The following BICD2 variants were observed in gnomAD, a reference collection of about 807,000 sequenced individuals.
BICD2 encodes the protein BICD cargo adaptor 2, also known as protein bicaudal D homolog 2.
Under a neutral mutation model 72.9 loss-of-function variants are expected in BICD2, and 25 were observed. The observed-to-expected ratio is 0.34, with a 90% CI of 0.25 to 0.48. The LOEUF is 0.48. BICD2 is among the 20% of genes least tolerant of loss of function. BICD2 has a pLI of 0.99. For synonymous variants in BICD2, 501 were observed against 516.1 expected, an observed-to-expected ratio of 0.97 and a Z score of 0.40; for missense variants, 894 against 1,175.2, an observed-to-expected ratio of 0.76 and a Z score of 3.50.
intron 1 of BICD2, among the ~76,000 whole-genome samples, chr9:92,732,174 C>G (rs10992438): frequency 0.27 from 41,567 of 152,006 alleles, 6,802 homozygotes; most frequent in East Asian, 0.76. Context: ...ACGAAAAGTA[C>G]AGTGGATGGG....
At chr9:92,741,906 A>G (rs1266228886) in intron 1 of BICD2, among the ~76,000 whole-genome samples, 1 of 152,266 alleles carries the variant, frequency 6.6e-6, no homozygotes, top group Non-Finnish European at 1.5e-5. Flanking sequence ...AGATACCCAT[A>G]AAATCCTCCC....
intron 1 of BICD2, among the ~76,000 whole-genome samples, chr9:92,751,806 A>ATT (rs200906851): frequency 0.047 from 6,605 of 141,056 alleles, 238 homozygotes; most frequent in Admixed American, 0.1. Flanking sequence ...CACTAACTGC[A>ATT]TTTTTTTTTT....
At chr9:92,762,532 C>T (rs1179297024) in intron 1 of BICD2, among the ~76,000 whole-genome samples, 3 of 152,008 alleles carry the variant, frequency 2.0e-5, no homozygotes, top group Admixed American at 2.0e-4. Context: ...CAGGTGGTGA[C>T]AAAAAACAAG....
At position 92,715,042 on chromosome 9, in the gene BICD2, T is replaced by A; in HGVS notation, c.*112A>T. On this transcript the variant is annotated 3_prime_UTR_variant, in exon 7 of 7. Coordinates refer to ENST00000356884, the MANE Select transcript of BICD2 (RefSeq NM_001003800.2). ...CCCCATGGCGCCTCGGCTAGACTCC[T>A]ACCCTCTGTGCATTAGTCACGTTAA... 6.9e-7 allele frequency: 1 copy of A among 1,458,852 alleles called. No individual in the cohort carries two copies. Among genetic ancestry groups the A allele is most frequent in the South Asian group, 1.5e-5 (1 of 68,714 alleles). The allele number at this position is 1,458,852 out of a possible 1,614,324, so 90.4% of individuals were successfully genotyped here.
chr9:92,734,366 G>A (rs1853734737), intron 1 of BICD2, among the ~76,000 whole-genome samples: 2 of 152,170 alleles, frequency 1.3e-5, no homozygotes, highest in East Asian at 3.9e-4. Context: ...ACAAAAATTA[G>A]CCAGGTGTGG....
In BICD2 at chr9:92,735,308, G is replaced by A. The variant is rs565718885; in HGVS notation, c.241-6072C>T. On this transcript the variant is annotated intron_variant, in intron 1 of 6. Transcript: ENST00000356884. ...CATTAGGGAGGCCAGGTCCTGCACA[G>A]TGGCATGGCCTCGGGACAGGCTGCA... Among the ~76,000 whole-genome samples, 5 of 152,310 alleles carry A rather than the reference G, an allele frequency of 3.3e-5. No homozygotes were observed. In the East Asian group the frequency reaches 9.7e-4, roughly 29 times the overall value.
chr9:92,726,611 C>A (rs1029748570), intron 2 of BICD2, among the ~76,000 whole-genome samples: 1 of 152,062 alleles, frequency 6.6e-6, no homozygotes, highest in African/African-American at 2.4e-5. Flanking sequence ...GATGCTCCAC[C>A]CGAACCAGGT....
Position 92,717,791 on chromosome 9 carries a change from G to A in BICD2, c.2258+6C>T, listed in dbSNP as rs566572599. 1.1e-5 allele frequency: 18 copies of A among 1,605,632 alleles called. No individual in the cohort carries two copies. The highest frequency in any genetic ancestry group is 2.2e-5 in the East Asian group (1 of 44,766). The stretch of plus-strand genomic sequence containing the variant: ...GAAGGGGAGGGCCCGACAGCAGCAC[G>A]GTTACCTGGTGGCAAACATAGCACG... On this transcript the variant is annotated splice_donor_region_variant and intron_variant, in intron 6 of 6. Coordinates refer to ENST00000356884, the MANE Select transcript of BICD2 (RefSeq NM_001003800.2).
chr9:92,763,715 G>C (rs1181608016), intron 1 of BICD2, among the ~76,000 whole-genome samples: 1 of 152,100 alleles, frequency 6.6e-6, no homozygotes, highest in African/African-American at 2.4e-5. Flanking sequence ...TCTCCCCCCA[G>C]TGGGAATGAC....
At chr9:92,746,899 T>A (rs555114726) in intron 1 of BICD2, among the ~76,000 whole-genome samples, 5 of 152,154 alleles carry the variant, frequency 3.3e-5, no homozygotes, top group African/African-American at 7.2e-5. Context: ...TACAGGCAAA[T>A]CATACCTCAA....
chr9:92,718,033 T>G, intron 5 of BICD2, 85 bp from the exon 6 acceptor site: 1 of 1,495,646 alleles, frequency 6.7e-7, no homozygotes, highest in Non-Finnish European at 9.0e-7. Flanking sequence ...GGAGCCCCGG[T>G]CTGAAGTGGT....
At chr9:92,730,259 G>C (rs978004114) in intron 1 of BICD2, among the ~76,000 whole-genome samples, 7 of 152,186 alleles carry the variant, frequency 4.6e-5, no homozygotes, top group Non-Finnish European at 8.8e-5. Flanking sequence ...GCTCATGGCA[G>C]AAAACAAGAT....
intron 1 of BICD2, among the ~76,000 whole-genome samples, chr9:92,732,423 G>A (rs182173250): frequency 1.3e-5 from 2 of 152,264 alleles, no homozygotes; most frequent in East Asian, 3.9e-4. Flanking sequence ...ATAAATCATA[G>A]CTGAAAATTT....
rs957011288 is a variant in BICD2 at position 92,764,807 on chromosome 9, CGCCGCT to C, written c.-69_-64del. 1.7e-4 allele frequency: 204 copies of C among 1,196,774 alleles called. 2 individuals are homozygous for C. The highest frequency in any genetic ancestry group is 7.2e-4 in the Admixed American group (15 of 20,930). 74.1% of individuals were successfully genotyped at this position (1,196,774 alleles called of 1,614,324 possible). A position where few individuals can be genotyped will look rare whatever the true frequency, so the allele number is the denominator to read the frequency against. The stretch of plus-strand genomic sequence containing the variant: ...CGCAGGCCGGGCCCTCCTCAGCCGC[CGCCGCT>C]GCCGCCGCCGCCGCCGCCCTGCCCC... On this transcript the variant is annotated 5_prime_UTR_variant, in exon 1 of 7. Transcript: ENST00000356884. This position sits in a 1 kb window ranked among gnomAD's most constrained non-coding sequence, Gnocchi z 5.5.
Position 92,718,949 on chromosome 9 carries a change from G to A in BICD2, c.1696C>T (p.Arg566Cys), listed in dbSNP as rs748022488. The A allele has an allele frequency of 5.8e-5, 93 of 1,609,296 alleles. 1 individual carries two copies. The highest frequency in any genetic ancestry group is 3.4e-4 in the South Asian group (31 of 91,032). ...CTGGTGCGGCCCCCGGGACTGGTGC[G>A]GCCGGCCCCGCCCTGGCCCTCGCGG... is the stretch of plus-strand genomic sequence containing the variant. ...YYREGQGGAG[R>C]TSPGGRTSPE... The change falls in exon 5 of 7, where the codon CGC (arginine) becomes TGC (cysteine). Residue 566 changes from arginine to cysteine, a missense_variant. Transcript: ENST00000356884.
intron 1 of BICD2, among the ~76,000 whole-genome samples, chr9:92,747,722 G>C (rs1022581438): frequency 2.6e-5 from 4 of 152,220 alleles, no homozygotes; most frequent in South Asian, 2.1e-4. Context: ...CTCTCACACG[G>C]GAAGGGTTCA....
chr9:92,720,698 G>A lies in BICD2; in HGVS notation c.664C>T (p.Leu222Phe), dbSNP rs912659311. The A allele has an allele frequency of 1.2e-6, 2 of 1,614,166 alleles. No individual in the cohort carries two copies. The highest frequency in any genetic ancestry group is 3.3e-5 in the Admixed American group (2 of 60,006). Residue 222 changes from leucine (L) to phenylalanine (F), a missense_variant, in exon 4 of 7, where the codon CTC becomes TTC. Transcript: ENST00000356884. The surrounding 1 kb of genome is among the most constrained non-coding windows in gnomAD (Gnocchi z 5.4). The stretch of plus-strand genomic sequence containing the variant: ...ATGGCATCCTCCAGCTGGCTGTTGA[G>A]GTACTCGGTCTCCTCCTCCAGACGC... ...IKRLEEETEY[L>F]NSQLEDAIRL...
intron 1 of BICD2, among the ~76,000 whole-genome samples, chr9:92,747,720 C>A (rs555189433): frequency 2.0e-5 from 3 of 152,224 alleles, no homozygotes; most frequent in Non-Finnish European, 4.4e-5. Context: ...GCCTCTCACA[C>A]GGGAAGGGTT....
chr9:92,712,715 C>G lies in BICD2; in HGVS notation c.*2439G>C, dbSNP rs185358007. ...GTGCCTATTACTGTTTTAACCAGAG[C>G]AAAGGTCAAGTTTTCTTCTTGTTAC... On this transcript the variant is annotated 3_prime_UTR_variant, in exon 7 of 7. Transcript: ENST00000356884. The G allele has an allele frequency of 3.7e-4, 56 of 152,124 alleles. No homozygotes were observed. The highest frequency in any genetic ancestry group is 1.4e-3 in the African/African-American group (56 of 41,404). 9.4% of individuals were successfully genotyped at this position (152,124 alleles called of 1,614,324 possible). A position where few individuals can be genotyped will look rare whatever the true frequency, so the allele number is the denominator to read the frequency against.
Sources: allele counts gnomAD v4.1 joint callset (sites outside exome capture counted in the v4.1 genomes callset), GRCh38; gene constraint gnomAD v4.1.1; non-coding constraint Gnocchi (gnomAD v3.1); transcripts MANE v1.5; gene names NCBI Gene and HGNC (gene_info 2026-07-23, HGNC 2026-07-21).